DOCK9: variants seen among roughly 807,000 people sequenced by gnomAD.
The protein encoded by DOCK9 is dedicator of cytokinesis protein 9.
In DOCK9, 89 loss-of-function variants were observed where a neutral mutation model predicts 263.3. The observed-to-expected ratio is 0.34, with a 90% CI of 0.28 to 0.40. The LOEUF is 0.40. Among genes scored for constraint, DOCK9 ranks in the 10% least tolerant of loss-of-function variants. The pLI is 1.00. For missense variants in DOCK9, 2,140 were observed against 2,603.4 expected (o/e 0.82, Z 3.87); for synonymous variants, 976 against 973.1 (o/e 1.00, Z -0.06).
At position 98,853,436 on chromosome 13, in the gene DOCK9, G is replaced by A; in HGVS notation, c.3918C>T (p.Phe1306=). The part of the protein sequence containing the change: ...QSEIKSLLMC[F]LYILKSMSDD... ...CAGACATGCTCTTTAAGATGTAGAG[G>A]AAACACATCAGTAGGCTCTTAATCT... Residue 1306 remains phenylalanine, a synonymous_variant, in exon 35 of 53, where the codon TTC becomes TTT. Coordinates refer to ENST00000682017, the MANE Select transcript of DOCK9 (RefSeq NM_001366683.2). 6.2e-7 allele frequency: 1 copy of A among 1,611,998 alleles called. No individual in the cohort carries two copies. The highest frequency in any genetic ancestry group is 8.5e-7 in the Non-Finnish European group (1 of 1,179,054).
rs1362453055 is a variant in DOCK9 at position 98,904,136 on chromosome 13, AT to A, written c.1035+495del. Among the ~76,000 whole-genome samples the A allele has an allele frequency of 2.0e-5, 3 of 152,360 alleles. No homozygotes were observed. The East Asian group carries it at 5.8e-4, about 29-fold the overall frequency. The stretch of plus-strand genomic sequence containing the variant: ...AAATGGTAAATTTTATATTATGTAT[AT>A]TTTACAATGATAAACAAAAACTTCT... On this transcript the variant is annotated intron_variant, in intron 10 of 52. Transcript: ENST00000682017.
chr13:98,939,138 T>C (rs1417757222), intron 2 of DOCK9, among the ~76,000 whole-genome samples: 4 of 152,194 alleles, frequency 2.6e-5, no homozygotes, highest in Admixed American at 2.6e-4. Context: ...ACCACAGCGC[T>C]CCAACTGAGA....
chr13:98,895,525 C>CTAA (rs1422260142), intron 15 of DOCK9, among the ~76,000 whole-genome samples: 1 of 151,770 alleles, frequency 6.6e-6, no homozygotes, highest in Non-Finnish European at 1.5e-5. Context: ...ATTAGCCAGG[C>CTAA]GTAGTGGTGG....
intron 39 of DOCK9, among the ~76,000 whole-genome samples, chr13:98,836,150 C>T (rs1177933902): frequency 1.3e-5 from 2 of 152,278 alleles, no homozygotes; most frequent in East Asian, 3.9e-4. Context: ...TCAGACTGCA[C>T]TTGTGCCCCG....
intron 1 of DOCK9, among the ~76,000 whole-genome samples, chr13:99,052,873 T>C (rs117428937): frequency 0.027 from 4,090 of 152,206 alleles, 90 homozygotes; most frequent in Middle Eastern, 0.044. Context: ...GTTTTTTATA[T>C]GTTTTGGATA....
At chr13:99,032,023 G>T (rs1409765245) in intron 1 of DOCK9, among the ~76,000 whole-genome samples, 1 of 152,160 alleles carries the variant, frequency 6.6e-6, no homozygotes, top group Non-Finnish European at 1.5e-5. Flanking sequence ...TGTAACCAAA[G>T]AAACATCCTG....
intron 10 of DOCK9, among the ~76,000 whole-genome samples, chr13:98,903,599 CAAAAA>C (rs72290114): frequency 1.3e-5 from 1 of 78,538 alleles, no homozygotes. Context: ...GACTCTGCCT[CAAAAA>C]AAAAAAAAAA....
chr13:98,844,995 T>C (rs769649752), intron 38 of DOCK9, among the ~76,000 whole-genome samples: 1 of 152,206 alleles, frequency 6.6e-6, no homozygotes, highest in Non-Finnish European at 1.5e-5. Flanking sequence ...GGAGAAGAGA[T>C]GGAACAATTT....
intron 21 of DOCK9, among the ~76,000 whole-genome samples, chr13:98,884,239 C>A (rs972460111): frequency 6.6e-6 from 1 of 152,192 alleles, no homozygotes; most frequent in Non-Finnish European, 1.5e-5. Flanking sequence ...GTAAAAGGTG[C>A]CAGATAAAGC....
intron 30 of DOCK9, among the ~76,000 whole-genome samples, chr13:98,865,540 T>A (rs181431894): frequency 6.6e-6 from 1 of 152,192 alleles, no homozygotes; most frequent in East Asian, 1.9e-4. Context: ...TACTCCCATA[T>A]ATCCCCCCAT....
intron 1 of DOCK9, among the ~76,000 whole-genome samples, chr13:99,048,388 A>G (rs889212522): frequency 6.6e-6 from 1 of 151,934 alleles, no homozygotes; most frequent in African/African-American, 2.4e-5. Flanking sequence ...ATTTGTCCCT[A>G]CTCTAGAAAA....
intron 23 of DOCK9, 79 bp from the exon 24 acceptor site, chr13:98,882,086 A>C: frequency 8.6e-7 from 1 of 1,162,122 alleles, no homozygotes; most frequent in South Asian, 1.3e-5. Flanking sequence ...TCTTCCAAAC[A>C]AGGATGGAAG....
At chr13:98,919,788 C>A (rs1249953632) in intron 7 of DOCK9, among the ~76,000 whole-genome samples, 1 of 152,236 alleles carries the variant, frequency 6.6e-6, no homozygotes, top group Non-Finnish European at 1.5e-5. Context: ...CTAAACAGGT[C>A]TCCAAGTGAG....
intron 37 of DOCK9, among the ~76,000 whole-genome samples, chr13:98,848,090 GAGA>G (rs1327335376): frequency 6.6e-6 from 1 of 152,220 alleles, no homozygotes; most frequent in African/African-American, 2.4e-5. Flanking sequence ...CTCCATTTTA[GAGA>G]AGGTTTGTGG....
chr13:98,860,546 A>G (rs763448154), intron 32 of DOCK9, 24 bp from the exon 33 acceptor site: 1 of 1,536,472 alleles, frequency 6.5e-7, no homozygotes, highest in Non-Finnish European at 8.8e-7. Flanking sequence ...GAAAGCAGAA[A>G]CAATCAAAGA....
intron 1 of DOCK9, among the ~76,000 whole-genome samples, chr13:98,964,958 C>T (rs2059050056): frequency 6.6e-6 from 1 of 152,208 alleles, no homozygotes; most frequent in South Asian, 2.1e-4. Flanking sequence ...CACAAGAGCC[C>T]CCTGCTCCAC....
rs1399726263 is a variant in DOCK9 at position 98,902,311 on chromosome 13, C to T, written c.1357G>A (p.Ala453Thr). The T allele has an allele frequency of 6.2e-7, 1 of 1,613,914 alleles. No individual in the cohort carries two copies. The highest frequency in any genetic ancestry group is 1.7e-5 in the Admixed American group (1 of 60,018). Residue 453 changes from alanine to threonine, a missense_variant, in exon 12 of 53, where the codon GCC becomes ACC. Physicochemically the swap from Ala to Thr is moderately conservative, Grantham distance 58. This residue lies in a region of DOCK9 where 1,521 missense variants were observed against 1,741.7 expected (regional missense o/e 0.87). Transcript: ENST00000682017. ...PSVLKGILHE[A>T]AMQYPKQGIF... ...ACCTGCTTCGGATACTGCATGGCGG[C>T]TTCATGAAGGATGCCCTTGAGGACA...
At position 99,014,505 on chromosome 13, in the gene DOCK9, C is replaced by T. The variant is rs575050299; in HGVS notation, c.130-58954G>A. ...ATAAAATGCATCCTCTCTCTGGGTT[C>T]CCGCAGGCTGGGACCACCCAATCTG... On this transcript the variant is annotated intron_variant, in intron 1 of 32. Transcript: ENST00000427887. 2.0e-5 allele frequency among the ~76,000 whole-genome samples: 3 copies of T among 152,278 alleles called. No individual in the cohort carries two copies. In the South Asian group the frequency reaches 6.2e-4, roughly 32 times the overall value.
intron 15 of DOCK9, among the ~76,000 whole-genome samples, chr13:98,890,205 A>G (rs1291551767): frequency 6.6e-6 from 1 of 152,220 alleles, no homozygotes; most frequent in Non-Finnish European, 1.5e-5. Context: ...TTATAGTCTC[A>G]TAAAAGTCAT....
Sources: allele counts gnomAD v4.1 joint callset (sites outside exome capture counted in the v4.1 genomes callset), GRCh38; gene constraint gnomAD v4.1.1; regional missense constraint gnomAD v4.1.1; transcripts MANE v1.5; gene names NCBI Gene and HGNC (gene_info 2026-07-23, HGNC 2026-07-21).